The following NRXN1 variants were observed in gnomAD, a reference collection of about 807,000 sequenced individuals.
The protein encoded by NRXN1 is neurexin 1, also known as neurexin-1.
In NRXN1, 39 loss-of-function variants were observed where a neutral mutation model predicts 150.9. That is an observed-to-expected ratio of 0.26 (90% CI 0.20 to 0.34). NRXN1 has a LOEUF of 0.34. Ranked by LOEUF, NRXN1 falls within the 10% of genes least tolerant of loss-of-function variation. The pLI is 1.00. For synonymous variants in NRXN1, 924 were observed against 757.0 expected, an observed-to-expected ratio of 1.22 and a Z score of -3.62; for missense variants, 1,815 against 1,949.9, an observed-to-expected ratio of 0.93 and a Z score of 1.30.
At chr2:49,934,331 C>T (rs1172706377) in intron 22 of NRXN1, among the ~76,000 whole-genome samples, 1 of 152,186 alleles carries the variant, frequency 6.6e-6, no homozygotes. Flanking sequence ...AGGAGACTTT[C>T]CACTGCAGAG....
chr2:50,040,339 A>C lies in NRXN1; in HGVS notation c.4128+12932T>G, dbSNP rs532743856. On this transcript the variant is annotated intron_variant, in intron 21 of 22. Coordinates refer to ENST00000401669, the MANE Select transcript of NRXN1 (RefSeq NM_001330078.2). ...CAAAATTTATATATAATTTACATAT[A>C]GTTTTATCTAATATATATCAAGTAT... Among the ~76,000 whole-genome samples, 7 of 150,818 alleles carry C rather than the reference A, an allele frequency of 4.6e-5. No homozygotes were observed. In the East Asian group the frequency reaches 1.4e-3, roughly 29 times the overall value.
chr2:50,808,198 A>C (rs2105744254), intron 5 of NRXN1, among the ~76,000 whole-genome samples: 1 of 152,266 alleles, frequency 6.6e-6, no homozygotes, highest in South Asian at 2.1e-4. Context: ...TTCCGGGGCA[A>C]GTATAGACTG....
Position 50,266,940 on chromosome 2 carries a change from A to C in NRXN1, c.3365-29970T>G, listed in dbSNP as rs1414645336. ...ATTATAGAAAATGGATAAAACTAAA[A>C]CTCAACTTCATCTCTGTGTACAGAT... On this transcript the variant is annotated intron_variant, in intron 17 of 22. Coordinates refer to ENST00000401669, the MANE Select transcript of NRXN1 (RefSeq NM_001330078.2). 2.6e-5 allele frequency among the ~76,000 whole-genome samples: 4 copies of C among 152,126 alleles called. No individual in the cohort carries two copies. The South Asian group carries it at 8.3e-4, about 32-fold the overall frequency.
chr2:51,029,500 T>A (rs1575284437), intron 1 of NRXN1, among the ~76,000 whole-genome samples: 1 of 152,248 alleles, frequency 6.6e-6, no homozygotes, highest in East Asian at 1.9e-4. Context: ...GTTTAATTTT[T>A]AAAATATGTG....
chr2:50,118,517 T>C (rs1235378447), intron 18 of NRXN1, among the ~76,000 whole-genome samples: 1 of 152,090 alleles, frequency 6.6e-6, no homozygotes, highest in East Asian at 1.9e-4. Flanking sequence ...TTGGTGTGTG[T>C]TTCAGCTAGA....
At chr2:50,169,572 T>C (rs1378954824) in intron 18 of NRXN1, among the ~76,000 whole-genome samples, 1 of 151,618 alleles carries the variant, frequency 6.6e-6, no homozygotes, top group Non-Finnish European at 1.5e-5. Flanking sequence ...AATTAGCTGG[T>C]CATGGTAGTG....
At chr2:51,006,412 G>A (rs1313739194) in intron 2 of NRXN1, among the ~76,000 whole-genome samples, 1 of 151,440 alleles carries the variant, frequency 6.6e-6, no homozygotes, top group Admixed American at 6.6e-5. Context: ...GGGGAAGGGG[G>A]GAGGGATAGC....
chr2:50,287,016 G>A (rs1054435812), intron 17 of NRXN1, among the ~76,000 whole-genome samples: 1 of 151,882 alleles, frequency 6.6e-6, no homozygotes, highest in Non-Finnish European at 1.5e-5. Context: ...TTTTGTTGAA[G>A]GTGCTTTGTA....
At chr2:50,931,886 G>GAGTCTCACTCTGTTGCCA (rs1400222088) in intron 2 of NRXN1, among the ~76,000 whole-genome samples, 1 of 151,726 alleles carries the variant, frequency 6.6e-6, no homozygotes, top group African/African-American at 2.4e-5. Flanking sequence ...TCTGGAGATG[G>GAGTCTCACTCTGTTGCCA]AGTCTCACTC....
chr2:50,817,468 T>C lies in NRXN1; in HGVS notation c.832+104401A>G, dbSNP rs561927006. On this transcript the variant is annotated intron_variant, in intron 5 of 22. Coordinates refer to ENST00000401669, the MANE Select transcript of NRXN1 (RefSeq NM_001330078.2). Reference sequence around the variant, plus strand: ...ATTCTTCTCAGAATTTTCTAAGAAATAGAAGAGAAGAGAACATTTCCATAC... The same window carrying C: ...ATTCTTCTCAGAATTTTCTAAGAAACAGAAGAGAAGAGAACATTTCCATAC... Among the ~76,000 whole-genome samples, 71 of 151,960 alleles carry C rather than the reference T, an allele frequency of 4.7e-4. 2 individuals are homozygous for C. The South Asian group carries it at 5.8e-3, about 12-fold the overall frequency.
intron 17 of NRXN1, 104 bp downstream of exon 17, chr2:50,465,338 A>T: frequency 8.6e-7 from 1 of 1,160,274 alleles, no homozygotes; most frequent in Non-Finnish European, 1.2e-6. Context: ...TGACAGTTCG[A>T]CTGACTCAGA....
At chr2:50,723,755 T>C (rs1402953983) in intron 5 of NRXN1, among the ~76,000 whole-genome samples, 1 of 152,144 alleles carries the variant, frequency 6.6e-6, no homozygotes, top group East Asian at 1.9e-4. Flanking sequence ...GTGGTCAGGG[T>C]ACCAACAGGA....
intron 5 of NRXN1, among the ~76,000 whole-genome samples, chr2:50,677,842 G>A (rs1689774403): frequency 6.6e-6 from 1 of 151,940 alleles, no homozygotes; most frequent in Non-Finnish European, 1.5e-5. Context: ...TCGTGCATGT[G>A]GAGAGAACCA....
intron 18 of NRXN1, among the ~76,000 whole-genome samples, chr2:50,168,397 A>G (rs2059814954): frequency 6.6e-6 from 1 of 152,234 alleles, no homozygotes; most frequent in Non-Finnish European, 1.5e-5. Context: ...ACCTTGGCTG[A>G]AACTTGGGAA....
chr2:49,999,455 A>T (rs1683544034), intron 21 of NRXN1, among the ~76,000 whole-genome samples: 1 of 152,162 alleles, frequency 6.6e-6, no homozygotes. Flanking sequence ...AGAGGAACCA[A>T]GTCTTACATA....
intron 17 of NRXN1, among the ~76,000 whole-genome samples, chr2:50,385,482 C>T (rs2081273344): frequency 6.6e-6 from 1 of 152,172 alleles, no homozygotes; most frequent in Non-Finnish European, 1.5e-5. Context: ...GCTAATGAAA[C>T]GCATGTATTC....
chr2:50,115,146 AT>A (rs537172320), intron 18 of NRXN1, among the ~76,000 whole-genome samples: 1,671 of 144,330 alleles, frequency 0.012, 17 homozygotes, highest in Admixed American at 0.027. Flanking sequence ...ATTTCGCTCA[AT>A]TTTTTTTTTT....
At chr2:50,390,335 C>G (rs1009348519) in intron 17 of NRXN1, among the ~76,000 whole-genome samples, 2 of 151,928 alleles carry the variant, frequency 1.3e-5, no homozygotes, top group Non-Finnish European at 2.9e-5. Flanking sequence ...AGGGAAGTCC[C>G]CTTTGTACAT....
At chr2:49,946,409 G>T (rs150933284) in intron 21 of NRXN1, among the ~76,000 whole-genome samples, 2,408 of 152,034 alleles carry the variant, frequency 0.016, 71 homozygotes, top group African/African-American at 0.055. Flanking sequence ...GTCAATTTTG[G>T]CTTTTGTTGC....
Sources: allele counts gnomAD v4.1 joint callset (sites outside exome capture counted in the v4.1 genomes callset), GRCh38; gene constraint gnomAD v4.1.1; transcripts MANE v1.5; gene names NCBI Gene and HGNC (gene_info 2026-07-23, HGNC 2026-07-21).